The following FGF10 variants were observed in gnomAD, a reference collection of about 807,000 sequenced individuals.
FGF10 encodes the protein FGF-10.
A neutral mutation model predicts 19.8 loss-of-function variants in FGF10; 2 were observed. The observed-to-expected ratio is 0.10, with a 90% CI of 0.04 to 0.32. The LOEUF is 0.32. FGF10 is among the 10% of genes least tolerant of loss of function. FGF10 has a pLI of 1.00. For missense variants in FGF10, 191 were observed against 246.3 expected (o/e 0.78, Z 1.50); for synonymous variants, 112 against 94.0 (o/e 1.19, Z -1.10).
chr5:44,349,459 T>TC (rs1174222609), intron 1 of FGF10, among the ~76,000 whole-genome samples: 3 of 31,726 alleles, frequency 9.5e-5, no homozygotes, highest in African/African-American at 3.3e-4. Flanking sequence ...TATATATATA[T>TC]ATATATATAT....
chr5:44,365,389 T>A (rs1194737179), intron 1 of FGF10, among the ~76,000 whole-genome samples: 2 of 151,782 alleles, frequency 1.3e-5, no homozygotes, highest in Non-Finnish European at 2.9e-5. Context: ...AAGCTCCTTT[T>A]TGTTATTGCT....
chr5:44,323,876 T>C (rs1000852995), intron 1 of FGF10, among the ~76,000 whole-genome samples: 1 of 152,094 alleles, frequency 6.6e-6, no homozygotes, highest in Admixed American at 6.6e-5. Context: ...AATTTGAAAA[T>C]GAAAACTGAT....
intron 1 of FGF10, among the ~76,000 whole-genome samples, chr5:44,326,448 G>A (rs1005175754): frequency 6.6e-6 from 1 of 152,080 alleles, no homozygotes; most frequent in African/African-American, 2.4e-5. Context: ...ACCCATGCTG[G>A]AGTGCAGTTC....
chr5:44,369,859 T>C (rs1404731267), intron 1 of FGF10, among the ~76,000 whole-genome samples: 1 of 152,156 alleles, frequency 6.6e-6, no homozygotes, highest in Non-Finnish European at 1.5e-5. Context: ...CTGGAATATG[T>C]GTATGAAATT....
At chr5:44,339,030 A>G (rs189419810) in intron 1 of FGF10, among the ~76,000 whole-genome samples, 1 of 152,292 alleles carries the variant, frequency 6.6e-6, no homozygotes, top group Admixed American at 6.5e-5. Context: ...AACTATATTT[A>G]ATTTTAAACA....
chr5:44,326,435 G>C (rs1047477315), intron 1 of FGF10, among the ~76,000 whole-genome samples: 1 of 152,052 alleles, frequency 6.6e-6, no homozygotes, highest in Non-Finnish European at 1.5e-5. Context: ...GTCTCACTCT[G>C]TCACCCATGC....
intron 1 of FGF10, among the ~76,000 whole-genome samples, chr5:44,315,748 T>A (rs1740331572): frequency 6.6e-6 from 1 of 152,164 alleles, no homozygotes; most frequent in African/African-American, 2.4e-5. Flanking sequence ...GTTGTCAGTG[T>A]CCTAAGTTCA....
At chr5:44,367,905 T>A (rs1167947313) in intron 1 of FGF10, among the ~76,000 whole-genome samples, 4 of 150,768 alleles carry the variant, frequency 2.7e-5, no homozygotes, top group East Asian at 1.9e-4. Flanking sequence ...CAAAGTAATT[T>A]AAAAAAAACA....
intron 1 of FGF10, among the ~76,000 whole-genome samples, chr5:44,330,836 T>C (rs1200824791): frequency 6.6e-6 from 1 of 152,186 alleles, no homozygotes; most frequent in Non-Finnish European, 1.5e-5. Context: ...CTGTTCAAAA[T>C]ATAAACTAAG....
At chr5:44,310,372 A>C (rs1740182674) in intron 2 of FGF10, 55 bp downstream of exon 2, 1 of 1,294,966 alleles carries the variant, frequency 7.7e-7, no homozygotes. Context: ...AAACTTTCCA[A>C]AACTATGGTA....
chr5:44,322,482 C>A (rs1740518056), intron 1 of FGF10, among the ~76,000 whole-genome samples: 1 of 152,064 alleles, frequency 6.6e-6, no homozygotes, highest in African/African-American at 2.4e-5. Context: ...TCAAAAGACC[C>A]CAAACTGGGA....
intron 1 of FGF10, among the ~76,000 whole-genome samples, chr5:44,357,479 T>C (rs1208504000): frequency 6.6e-6 from 1 of 151,530 alleles, no homozygotes; most frequent in Non-Finnish European, 1.5e-5. Context: ...TGTTTAACAC[T>C]TACCAAGTGA....
chr5:44,347,374 G>A (rs974840887), intron 1 of FGF10, among the ~76,000 whole-genome samples: 9 of 151,758 alleles, frequency 5.9e-5, no homozygotes, highest in Non-Finnish European at 1.2e-4. Flanking sequence ...GAAGAAATGC[G>A]AGCAACCCTT....
chr5:44,316,552 C>G (rs1416105637), intron 1 of FGF10, among the ~76,000 whole-genome samples: 1 of 152,058 alleles, frequency 6.6e-6, no homozygotes, highest in Non-Finnish European at 1.5e-5. Context: ...TCTGCTTTTC[C>G]AAGGACCACA....
intron 1 of FGF10, among the ~76,000 whole-genome samples, chr5:44,384,081 C>T (rs2973644): frequency 0.74 from 112,712 of 151,952 alleles, 42,118 homozygotes; most frequent in Middle Eastern, 0.81. Flanking sequence ...GTCTCTAAGA[C>T]GTCGCCCTTT....
intron 1 of FGF10, among the ~76,000 whole-genome samples, chr5:44,315,152 A>T (rs890102698): frequency 2.7e-5 from 4 of 149,754 alleles, no homozygotes; most frequent in African/African-American, 9.9e-5. Flanking sequence ...AAGCTCAATA[A>T]AATAAAGACC....
chr5:44,351,740 A>AT lies in FGF10; in HGVS notation c.325+36617dup, dbSNP rs571565149. Reference sequence around the variant, plus strand: ...ACCATTATTAGTTTGAACCCTATGAATTTCCATTCTTGCAGGATAAATTTG... The same window carrying AT: ...ACCATTATTAGTTTGAACCCTATGAATTTTCCATTCTTGCAGGATAAATTTG... On this transcript the variant is annotated intron_variant, in intron 1 of 2. Transcript: ENST00000264664. Among the ~76,000 whole-genome samples the AT allele has an allele frequency of 7.3e-5, 11 of 151,702 alleles. No homozygotes were observed. In the South Asian group the frequency reaches 2.3e-3, roughly 31 times the overall value.
chr5:44,359,259 T>C (rs1391754791), intron 1 of FGF10, among the ~76,000 whole-genome samples: 2 of 151,486 alleles, frequency 1.3e-5, no homozygotes, highest in African/African-American at 4.8e-5. Flanking sequence ...GCATAAAAGA[T>C]TTTGGAAGAA....
At position 44,389,028 on chromosome 5, in the gene FGF10, T is replaced by C; in HGVS notation, c.-346A>G. On this transcript the variant is annotated 5_prime_UTR_variant, in exon 1 of 3. Transcript: ENST00000264664. ...TTACTTTGTTCTCTTCTTTACTCCT[T>C]TCTTCACCATGTTAGATGCCAAAAA... The C allele has an allele frequency of 2.5e-6, 1 of 403,658 alleles. No individual in the cohort carries two copies. The highest frequency in any genetic ancestry group is 4.7e-6 in the Non-Finnish European group (1 of 213,910). The allele number at this position is 403,658 out of a possible 1,614,324, so 25.0% of individuals were successfully genotyped here.
Sources: gnomAD v4.1 joint callset for allele counts (sites outside exome capture counted in the v4.1 genomes callset) on GRCh38, gnomAD v4.1.1 for gene constraint, MANE v1.5 for transcripts, NCBI Gene and HGNC (gene_info 2026-07-23, HGNC 2026-07-21) for gene names.